The following LRRC74A variants were observed in gnomAD, a reference collection of about 807,000 sequenced individuals.
The protein encoded by LRRC74A is leucine-rich repeat-containing protein 74A.
Under a neutral mutation model 57.9 loss-of-function variants are expected in LRRC74A, and 44 were observed. The observed-to-expected ratio is 0.76, with a 90% confidence interval of 0.60 to 0.98. The LOEUF is 0.98. Ranked by LOEUF, LRRC74A falls within the 50% of genes least tolerant of loss-of-function variation. The pLI, the probability that LRRC74A is intolerant of heterozygous loss-of-function variation, is 0.00. For missense variants in LRRC74A, 572 were observed against 574.0 expected (o/e 1.00, Z 0.04); for synonymous variants, 211 against 219.4 (o/e 0.96, Z 0.34).
At chr14:76,835,423 G>A (rs907751344) in intron 3 of LRRC74A, among the ~76,000 whole-genome samples, 2 of 151,278 alleles carry the variant, frequency 1.3e-5, no homozygotes, top group Non-Finnish European at 2.9e-5. Context: ...GGAAGCAGAG[G>A]TTGCAGTGAG....
intron 11 of LRRC74A, among the ~76,000 whole-genome samples, chr14:76,861,970 G>A (rs1301813641): frequency 6.6e-6 from 1 of 152,234 alleles, no homozygotes; most frequent in Non-Finnish European, 1.5e-5. Context: ...AATTCTAGAA[G>A]ACAAAGCGGT....
chr14:76,829,016 G>C, intron 2 of LRRC74A: 1 of 1,289,252 alleles, frequency 7.8e-7, no homozygotes, highest in Non-Finnish European at 1.0e-6. Context: ...AGCATGCCTG[G>C]GTATCGGGAC....
chr14:76,832,461 T>C (rs1390537704), intron 3 of LRRC74A, among the ~76,000 whole-genome samples: 1 of 152,152 alleles, frequency 6.6e-6, no homozygotes, highest in Admixed American at 6.5e-5. Flanking sequence ...GTATTCACTA[T>C]TGCACCCAAC....
At chr14:76,827,259 A>T (rs921640856) in intron 1 of LRRC74A, among the ~76,000 whole-genome samples, 2 of 152,188 alleles carry the variant, frequency 1.3e-5, no homozygotes, top group Non-Finnish European at 2.9e-5. Flanking sequence ...TGCACTGTGT[A>T]TCCCAGACAG....
At chr14:76,855,073 G>A (rs139193928) in intron 9 of LRRC74A, among the ~76,000 whole-genome samples, 159 of 152,386 alleles carry the variant, frequency 1.0e-3, no homozygotes, top group Middle Eastern at 6.8e-3. Flanking sequence ...GGGTCCTGAA[G>A]AAGGAAAGCA....
At chr14:76,851,181 G>A (rs975271150) in intron 7 of LRRC74A, among the ~76,000 whole-genome samples, 4 of 152,194 alleles carry the variant, frequency 2.6e-5, no homozygotes, top group African/African-American at 9.7e-5. Context: ...CTGAGCCTCT[G>A]CTGGAGAGAA....
intron 10 of LRRC74A, among the ~76,000 whole-genome samples, chr14:76,859,651 T>G: frequency 6.9e-6 from 1 of 145,052 alleles, no homozygotes; most frequent in African/African-American, 2.5e-5. Flanking sequence ...AACAAATAGG[T>G]CTGAATTAGC....
At chr14:76,834,797 C>A (rs953285320) in intron 3 of LRRC74A, among the ~76,000 whole-genome samples, 2 of 152,152 alleles carry the variant, frequency 1.3e-5, no homozygotes, top group Non-Finnish European at 2.9e-5. Context: ...CTAGACACTC[C>A]TAAATAGCAC....
rs370662743 is a variant in LRRC74A at position 76,864,265 on chromosome 14, G to A, written c.1201-1703G>A. ...AGGCACTCCGGAAGGGTGGGAGGCCGTGCACTCCAGAAAGGGAAGTGTGGG... is the reference window on the plus strand; with the variant it reads ...AGGCACTCCGGAAGGGTGGGAGGCCATGCACTCCAGAAAGGGAAGTGTGGG... On this transcript the variant is annotated intron_variant, in intron 11 of 13. Transcript: ENST00000689127. 1.2e-4 allele frequency among the ~76,000 whole-genome samples: 18 copies of A among 152,166 alleles called. 1 individual carries two copies. In the South Asian group the frequency reaches 2.9e-3, roughly 25 times the overall value.
intron 3 of LRRC74A, among the ~76,000 whole-genome samples, chr14:76,832,129 A>G (rs7145659): frequency 0.17 from 26,145 of 152,204 alleles, 2,461 homozygotes; most frequent in African/African-American, 0.21. Context: ...ATCCATGGAA[A>G]GAATGAACAG....
chr14:76,837,291 C>A (rs1896423139), intron 4 of LRRC74A, among the ~76,000 whole-genome samples: 1 of 151,980 alleles, frequency 6.6e-6, no homozygotes, highest in African/African-American at 2.4e-5. Flanking sequence ...CTTAATACCA[C>A]GCCACTGGAC....
chr14:76,844,354 G>A, intron 5 of LRRC74A, 69 bp from the exon 6 acceptor site: 5 of 1,407,670 alleles, frequency 3.6e-6, no homozygotes, highest in South Asian at 1.2e-5. Context: ...GACTGGGAGG[G>A]GCAGGGGGTG....
chr14:76,861,473 G>C (rs961961726), intron 11 of LRRC74A, among the ~76,000 whole-genome samples: 1 of 151,878 alleles, frequency 6.6e-6, no homozygotes, highest in African/African-American at 2.4e-5. Context: ...AGGTAAAGCT[G>C]TTCTTTCCAA....
intron 4 of LRRC74A, among the ~76,000 whole-genome samples, 160 bp downstream of exon 4, chr14:76,836,474 G>A (rs1357147940): frequency 6.6e-6 from 1 of 152,200 alleles, no homozygotes; most frequent in African/African-American, 2.4e-5. Context: ...CATGTGAGAG[G>A]CTGTGTTTCC....
rs931332235 is a variant in LRRC74A at position 76,839,479 on chromosome 14, T to C, written c.544+1508T>C. Among the ~76,000 whole-genome samples, 8 of 152,352 alleles carry C rather than the reference T, an allele frequency of 5.3e-5. No individual in the cohort carries two copies. The South Asian group carries it at 6.2e-4, about 12-fold the overall frequency. On this transcript the variant is annotated intron_variant, in intron 5 of 13. Coordinates refer to ENST00000689127, the MANE Select transcript of LRRC74A (RefSeq NM_001385106.1). ...CATTTTCTCATTCATAAAATAAGGA[T>C]AATTATATTACCTCAGATGGTTATT... is the stretch of plus-strand genomic sequence containing the variant.
intron 13 of LRRC74A, 31 bp downstream of exon 13, chr14:76,867,469 C>T: frequency 2.5e-6 from 3 of 1,214,266 alleles, no homozygotes; most frequent in East Asian, 4.7e-5. Flanking sequence ...GATCCCCGTT[C>T]TCTGCAAGGG....
intron 9 of LRRC74A, 60 bp from the exon 10 acceptor site, chr14:76,857,320 G>T: frequency 9.6e-7 from 1 of 1,040,964 alleles, no homozygotes; most frequent in Non-Finnish European, 1.5e-6. Flanking sequence ...TAGAAACTGT[G>T]CTCTGGGCCA....
intron 3 of LRRC74A, among the ~76,000 whole-genome samples, chr14:76,831,751 T>C (rs1895990808): frequency 1.3e-5 from 2 of 152,174 alleles, no homozygotes; most frequent in Non-Finnish European, 2.9e-5. Context: ...AAGCTCACTT[T>C]TGCTGTAAAT....
At chr14:76,862,712 A>G (rs1898411909) in intron 11 of LRRC74A, among the ~76,000 whole-genome samples, 1 of 152,184 alleles carries the variant, frequency 6.6e-6, no homozygotes, top group Non-Finnish European at 1.5e-5. Flanking sequence ...GGTGAGCCAC[A>G]GAGAGTGGGA....
Sources: allele counts gnomAD v4.1 joint callset (sites outside exome capture counted in the v4.1 genomes callset), GRCh38; gene constraint gnomAD v4.1.1; transcripts MANE v1.5; gene names NCBI Gene and HGNC (gene_info 2026-07-23, HGNC 2026-07-21).